The following SFTPD variants were observed in gnomAD, a reference collection of about 807,000 sequenced individuals.
SFTPD encodes the protein pulmonary surfactant-associated protein D.
In SFTPD, 18 loss-of-function variants were observed where a neutral mutation model predicts 34.6. That is an observed-to-expected ratio of 0.52 (90% CI 0.36 to 0.77). The LOEUF (loss-of-function observed/expected upper bound fraction) is 0.77, where lower values mean the gene tolerates loss of function less well. Ranked by LOEUF, SFTPD falls within the 30% of genes least tolerant of loss-of-function variation. SFTPD has a pLI of 0.00. For synonymous variants in SFTPD, 155 were observed against 180.9 expected, an observed-to-expected ratio of 0.86 and a Z score of 1.15; for missense variants, 433 against 468.9, an observed-to-expected ratio of 0.92 and a Z score of 0.71.
Position 79,942,775 on chromosome 10 carries a change from T to A in SFTPD, c.304A>T (p.Thr102Ser). 1 of 1,609,168 alleles carries A rather than the reference T, an allele frequency of 6.2e-7. No individual in the cohort carries two copies. The highest frequency in any genetic ancestry group is 8.5e-7 in the Non-Finnish European group (1 of 1,175,492). The change falls in exon 3 of 8, where the codon ACT becomes TCT. Residue 102 changes from threonine to serine, a missense_variant. By Grantham distance (58) the Thr-to-Ser change is moderately conservative. Transcript: ENST00000372292. ...CCCAGTTGCTCACCACTTGGCCCAG[T>A]GTCTCCCTTTGGTCCAGGTTCTCCA... ...SVGEPGPKGD[T>S]GPSGPPGPPG...
intron 1 of SFTPD, among the ~76,000 whole-genome samples, chr10:79,967,651 T>C (rs1029176299): frequency 1.5e-5 from 2 of 132,748 alleles, no homozygotes; most frequent in African/African-American, 6.2e-5. Flanking sequence ...TAATGCCGCA[T>C]ATCTACAACT....
chr10:79,941,270 A>T (rs1231455438), intron 6 of SFTPD, 128 bp downstream of exon 6: 1 of 802,736 alleles, frequency 1.2e-6, no homozygotes, highest in African/African-American at 1.7e-5. Flanking sequence ...GCCTTTCCTG[A>T]GTTCCACCCA....
At chr10:79,968,288 T>C (rs60721872) in intron 1 of SFTPD, 1 of 152,160 alleles carries the variant, frequency 6.6e-6, no homozygotes, top group African/African-American at 2.4e-5. Context: ...TATACCCACT[T>C]CCCAGGTAGT....
chr10:79,942,122 T>C (rs1383396149), intron 4 of SFTPD, 52 bp from the exon 5 acceptor site: 1 of 1,361,054 alleles, frequency 7.3e-7, no homozygotes. Context: ...GTTCAGCAGG[T>C]GTGGTTTTGT....
intron 7 of SFTPD, among the ~76,000 whole-genome samples, 163 bp from the exon 8 acceptor site, chr10:79,938,391 C>T (rs377761953): frequency 1.3e-5 from 2 of 152,088 alleles, no homozygotes; most frequent in Non-Finnish European, 2.9e-5. Flanking sequence ...GAACAGCCCC[C>T]GTCCCATGAC....
At chr10:79,961,572 T>G (rs1234285354) in intron 1 of SFTPD, among the ~76,000 whole-genome samples, 1 of 152,114 alleles carries the variant, frequency 6.6e-6, no homozygotes, top group Non-Finnish European at 1.5e-5. Flanking sequence ...ATCAGAGAAA[T>G]GCAAATCAAA....
In SFTPD at chr10:79,942,510, C is replaced by T. The variant is rs765983982; in HGVS notation, c.317-6G>A. The T allele has an allele frequency of 8.9e-6, 14 of 1,574,548 alleles. No homozygotes were observed. The highest frequency in any genetic ancestry group is 1.2e-5 in the Non-Finnish European group (14 of 1,144,146). ...ACCGGGAGGTCCTGGAGGTCCTGAGCAAAAGCACCAGCCCGGTCAGTAACA... is the reference window on the plus strand; with the variant it reads ...ACCGGGAGGTCCTGGAGGTCCTGAGTAAAAGCACCAGCCCGGTCAGTAACA... On this transcript the variant is annotated splice_region_variant and splice_polypyrimidine_tract_variant and intron_variant, in intron 3 of 7. Coordinates refer to ENST00000372292, the MANE Select transcript of SFTPD (RefSeq NM_003019.5).
intron 1 of SFTPD, among the ~76,000 whole-genome samples, chr10:79,977,167 G>A (rs879785909): frequency 3.3e-5 from 5 of 152,150 alleles, no homozygotes; most frequent in Non-Finnish European, 7.3e-5. Context: ...TTTCACCTCT[G>A]GAGCCAAACT....
chr10:79,938,197 C>T lies in SFTPD; in HGVS notation c.783G>A (p.Gly261=). ...VELFPNGQSV[G]EKIFKTAGFV... ...AGCCTGCTGTCTTGAAAATCTTCTC[C>T]CCGACACTTTGGCCATTTGGGAAGA... Residue 261 remains glycine (G), a synonymous_variant, in exon 8 of 8, where the codon GGG becomes GGA. Transcript: ENST00000372292. The T allele has an allele frequency of 6.3e-7, 1 of 1,599,322 alleles. No individual in the cohort carries two copies. Among genetic ancestry groups the T allele is most frequent in the Non-Finnish European group, 8.6e-7 (1 of 1,167,760 alleles).
intron 7 of SFTPD, 112 bp from the exon 8 acceptor site, chr10:79,938,340 C>T (rs1842578496): frequency 1.1e-6 from 1 of 945,628 alleles, no homozygotes; most frequent in South Asian, 1.6e-5. Flanking sequence ...AAACAGGCAC[C>T]GCATCAGGAT....
At chr10:79,940,658 G>A in intron 7 of SFTPD, 47 bp downstream of exon 7, 1 of 1,238,532 alleles carries the variant, frequency 8.1e-7, no homozygotes, top group South Asian at 1.2e-5. Context: ...GATCTAGTGT[G>A]GGGCCCAATG....
At chr10:79,968,166 C>G (rs2132519490) in intron 1 of SFTPD, 1 of 152,042 alleles carries the variant, frequency 6.6e-6, no homozygotes, top group African/African-American at 2.4e-5. Flanking sequence ...GTTATGATTT[C>G]CCTTTGTTGG....
intron 4 of SFTPD, 77 bp downstream of exon 4, chr10:79,942,311 G>T: frequency 9.9e-7 from 1 of 1,011,250 alleles, no homozygotes; most frequent in Non-Finnish European, 1.5e-6. Context: ...GGCACTCTGA[G>T]CACGCCTCAG....
At chr10:79,958,067 G>A (rs1842750500) in intron 1 of SFTPD, among the ~76,000 whole-genome samples, 1 of 152,128 alleles carries the variant, frequency 6.6e-6, no homozygotes, top group Non-Finnish European at 1.5e-5. Flanking sequence ...ATAAGTGAAG[G>A]AGAAATAAAA....
chr10:79,943,010 C>A, intron 2 of SFTPD, 131 bp from the exon 3 acceptor site: 1 of 636,906 alleles, frequency 1.6e-6, no homozygotes, highest in Non-Finnish European at 2.8e-6. Flanking sequence ...CACACCCAGG[C>A]CCAGTGGTGA....
intron 1 of SFTPD, among the ~76,000 whole-genome samples, chr10:79,947,555 G>A (rs764676690): frequency 2.6e-5 from 4 of 152,128 alleles, no homozygotes; most frequent in Non-Finnish European, 4.4e-5. Context: ...GCCAGATGTG[G>A]TGGTGCGTGC....
chr10:79,941,360 C>G, intron 6 of SFTPD, 38 bp downstream of exon 6: 1 of 1,582,802 alleles, frequency 6.3e-7, no homozygotes, highest in Non-Finnish European at 8.7e-7. Context: ...CACCCATGCC[C>G]CAGCGGGGCT....
chr10:79,939,574 G>A (rs1041955574), intron 7 of SFTPD, among the ~76,000 whole-genome samples: 43 of 151,932 alleles, frequency 2.8e-4, no homozygotes, highest in African/African-American at 8.5e-4. Flanking sequence ...TGGAGGTGGA[G>A]TGAGTGATGG....
At chr10:79,963,206 G>T (rs374238196) in intron 1 of SFTPD, among the ~76,000 whole-genome samples, 1 of 152,054 alleles carries the variant, frequency 6.6e-6, no homozygotes, top group Non-Finnish European at 1.5e-5. Context: ...AGCTGGGCAT[G>T]GTGATACATT....
Sources: gnomAD v4.1 joint callset for allele counts (sites outside exome capture counted in the v4.1 genomes callset) on GRCh38, gnomAD v4.1.1 for gene constraint, MANE v1.5 for transcripts, NCBI Gene and HGNC (gene_info 2026-07-23, HGNC 2026-07-21) for gene names.